PAPPA2: variants seen among roughly 807,000 people sequenced by gnomAD.
The protein encoded by PAPPA2 is pappalysin-2.
PAPPA2 carries 86 observed loss-of-function variants against 176.4 expected under a neutral mutation model. That is an observed-to-expected ratio of 0.49 (90% CI 0.41 to 0.58). PAPPA2 has a LOEUF of 0.58. Among genes scored for constraint, PAPPA2 ranks in the 20% least tolerant of loss-of-function variants. The pLI is 0.00. For missense variants in PAPPA2, 2,073 were observed against 2,256.9 expected (o/e 0.92, Z 1.65); for synonymous variants, 809 against 852.2 (o/e 0.95, Z 0.88).
intron 12 of PAPPA2, among the ~76,000 whole-genome samples, chr1:176,724,207 G>A (rs924420198): frequency 2.0e-5 from 3 of 152,162 alleles, no homozygotes; most frequent in African/African-American, 7.2e-5. Flanking sequence ...TGTGAGGAAA[G>A]GCTTCCTTAT....
chr1:176,640,393 A>C (rs1389304107), intron 3 of PAPPA2, among the ~76,000 whole-genome samples: 170 of 128,908 alleles, frequency 1.3e-3, no homozygotes, highest in African/African-American at 4.7e-3. Context: ...CTTCCTGTGT[A>C]CATGTGTTCT....
intron 16 of PAPPA2, among the ~76,000 whole-genome samples, chr1:176,770,514 A>C (rs1664176351): frequency 6.6e-6 from 1 of 152,196 alleles, no homozygotes; most frequent in African/African-American, 2.4e-5. Flanking sequence ...ATAGGGGATA[A>C]TAATAGGATC....
At chr1:176,715,508 G>A (rs555299070) in intron 12 of PAPPA2, among the ~76,000 whole-genome samples, 5 of 152,268 alleles carry the variant, frequency 3.3e-5, no homozygotes, top group South Asian at 4.2e-4. Flanking sequence ...AACTGGGCTC[G>A]TTTCTGTTTG....
chr1:176,488,608 G>A (rs1225051281), intron 1 of PAPPA2, among the ~76,000 whole-genome samples: 1 of 152,110 alleles, frequency 6.6e-6, no homozygotes, highest in African/African-American at 2.4e-5. Context: ...GTTCAGATGC[G>A]AAACATCCAG....
In PAPPA2 at chr1:176,708,445, C is replaced by A. The variant is rs528291191; in HGVS notation, c.3458-1538C>A. Among the ~76,000 whole-genome samples the A allele has an allele frequency of 1.1e-3, 172 of 150,472 alleles. 1 individual carries two copies. The highest frequency in any genetic ancestry group is 3.9e-3 in the African/African-American group (159 of 40,994). ...GAAACATAAACAAAAATTTTAAGTC[C>A]GTGCTTAAAAAAATAGAGACAAGAA... On this transcript the variant is annotated intron_variant, in intron 10 of 22. Transcript: ENST00000367662.
intron 1 of PAPPA2, among the ~76,000 whole-genome samples, chr1:176,465,838 C>T (rs1366648775): frequency 5.3e-5 from 8 of 152,032 alleles, no homozygotes; most frequent in Admixed American, 5.2e-4. Flanking sequence ...TGTTGTTCCC[C>T]TCTATGTGTC....
At chr1:176,547,460 G>A (rs1650701138) in intron 1 of PAPPA2, among the ~76,000 whole-genome samples, 2 of 152,170 alleles carry the variant, frequency 1.3e-5, no homozygotes, top group Admixed American at 6.5e-5. Context: ...CTATCCTTGT[G>A]TGAGGAGTTT....
At chr1:176,660,744 A>G (rs1391816260) in intron 3 of PAPPA2, among the ~76,000 whole-genome samples, 1 of 152,184 alleles carries the variant, frequency 6.6e-6, no homozygotes, top group Non-Finnish European at 1.5e-5. Flanking sequence ...TCAAAACAAT[A>G]AAATGTGATT....
chr1:176,732,594 C>A lies in PAPPA2; in HGVS notation c.3799-7032C>A, dbSNP rs992609093. On this transcript the variant is annotated intron_variant, in intron 12 of 22. Coordinates refer to ENST00000367662, the MANE Select transcript of PAPPA2 (RefSeq NM_020318.3). ...TTATATCTATTAATAGCTTTAAAGT[C>A]TTGTTACTCAAAATGTGGTTGGCAT... is the stretch of plus-strand genomic sequence containing the variant. Among the ~76,000 whole-genome samples, 3 of 152,098 alleles carry A rather than the reference C, an allele frequency of 2.0e-5. 1 individual carries two copies. Among genetic ancestry groups the A allele is most frequent in the Admixed American group, 1.3e-4 (2 of 15,250 alleles).
chr1:176,484,428 A>G (rs747356731), intron 1 of PAPPA2, among the ~76,000 whole-genome samples: 8 of 152,130 alleles, frequency 5.3e-5, no homozygotes, highest in Non-Finnish European at 8.8e-5. Flanking sequence ...AGTCTTTCAA[A>G]TATGTTTTCT....
intron 21 of PAPPA2, among the ~76,000 whole-genome samples, chr1:176,809,381 GT>G (rs1666045620): frequency 6.6e-6 from 1 of 152,194 alleles, no homozygotes; most frequent in Admixed American, 6.5e-5. Context: ...AAGTTGTATT[GT>G]TTTTACACAT....
intron 17 of PAPPA2, among the ~76,000 whole-genome samples, chr1:176,787,357 C>G (rs1274352795): frequency 2.6e-5 from 4 of 151,976 alleles, no homozygotes; most frequent in Non-Finnish European, 5.9e-5. Flanking sequence ...ACCTCAGCCT[C>G]CCCAGTAGCT....
intron 3 of PAPPA2, among the ~76,000 whole-genome samples, chr1:176,641,457 C>T (rs1162013322): frequency 6.6e-6 from 1 of 151,108 alleles, no homozygotes; most frequent in African/African-American, 2.4e-5. Context: ...ATCCTTTCCC[C>T]ATTGCTTGTT....
chr1:176,672,171 T>G (rs1573228909), intron 4 of PAPPA2, among the ~76,000 whole-genome samples: 2 of 152,160 alleles, frequency 1.3e-5, no homozygotes. Context: ...AGGGATTACA[T>G]CCGTTTTATA....
chr1:176,476,587 C>G (rs971136231), intron 1 of PAPPA2, among the ~76,000 whole-genome samples: 4 of 152,206 alleles, frequency 2.6e-5, no homozygotes, highest in Non-Finnish European at 5.9e-5. Context: ...CTCAAGAACT[C>G]TGGCCCACTA....
At position 176,644,921 on chromosome 1, in the gene PAPPA2, G is replaced by A. The variant is rs538878270; in HGVS notation, c.1992-26049G>A. On this transcript the variant is annotated intron_variant, in intron 3 of 22. Coordinates refer to ENST00000367662, the MANE Select transcript of PAPPA2 (RefSeq NM_020318.3). ...CAGGAAAGAGCACAACACAGGTGCAGCGCCACAAGTACTTCTGATTTTATT... is the reference window on the plus strand; with the variant it reads ...CAGGAAAGAGCACAACACAGGTGCAACGCCACAAGTACTTCTGATTTTATT... Among the ~76,000 whole-genome samples, 6 of 151,894 alleles carry A rather than the reference G, an allele frequency of 4.0e-5. No homozygotes were observed. In the East Asian group the frequency reaches 9.7e-4, roughly 25 times the overall value.
chr1:176,540,212 T>C (rs971239939), intron 1 of PAPPA2, among the ~76,000 whole-genome samples: 1 of 152,220 alleles, frequency 6.6e-6, no homozygotes, highest in Admixed American at 6.5e-5. Flanking sequence ...TAGAAAGACG[T>C]AACTGTAGGT....
chr1:176,548,030 CAT>C (rs1310534096), intron 1 of PAPPA2, among the ~76,000 whole-genome samples: 2 of 152,138 alleles, frequency 1.3e-5, no homozygotes, highest in Non-Finnish European at 2.9e-5. Context: ...CTAATACAGA[CAT>C]GTGGAGGAAA....
intron 3 of PAPPA2, among the ~76,000 whole-genome samples, chr1:176,666,984 G>T (rs548851350): frequency 8.5e-5 from 13 of 152,134 alleles, no homozygotes; most frequent in Non-Finnish European, 1.9e-4. Context: ...CGTGGCTCAC[G>T]CCTGTAATCC....
Sources: allele counts gnomAD v4.1 joint callset (sites outside exome capture counted in the v4.1 genomes callset), GRCh38; gene constraint gnomAD v4.1.1; transcripts MANE v1.5; gene names NCBI Gene and HGNC (gene_info 2026-07-23, HGNC 2026-07-21).